MICU1: variants seen among roughly 807,000 people sequenced by gnomAD.
The protein encoded by MICU1 is calcium uptake protein 1, mitochondrial.
MICU1 carries 45 observed loss-of-function variants against 56.8 expected under a neutral mutation model. The ratio of observed to expected loss-of-function variants is 0.79; its 90% CI spans 0.62 to 1.02. The LOEUF is 1.02. MICU1 is among the 50% of genes least tolerant of loss of function. The pLI, the probability that MICU1 is intolerant of heterozygous loss-of-function variation, is 0.00. For synonymous variants in MICU1, 186 were observed against 195.1 expected (o/e 0.95, Z 0.39); for missense variants, 504 against 587.1 (o/e 0.86, Z 1.46).
At chr10:72,506,514 C>A (rs1284135720) in intron 6 of MICU1, among the ~76,000 whole-genome samples, 2 of 152,016 alleles carry the variant, frequency 1.3e-5, no homozygotes, top group East Asian at 3.8e-4. Context: ...AAATTCCCAC[C>A]AATTTGGGTC....
intron 1 of MICU1, among the ~76,000 whole-genome samples, chr10:72,589,391 T>G (rs141169361): frequency 6.6e-6 from 1 of 152,312 alleles, no homozygotes; most frequent in East Asian, 1.9e-4. Context: ...GAAATGCTTC[T>G]TCTGAAGACT....
Position 72,568,124 on chromosome 10 carries a change from A to C in MICU1, c.-1-1330T>G, listed in dbSNP as rs979135452. Among the ~76,000 whole-genome samples, 12 of 152,072 alleles carry C rather than the reference A, an allele frequency of 7.9e-5. 1 individual carries two copies. ...CTGCCCCCTACCTTATAATGCTGAC[A>C]CTGCTTTGAAGTTTTTATTAAATAT... On this transcript the variant is annotated intron_variant, in intron 1 of 11. Transcript: ENST00000361114.
chr10:72,594,358 G>C (rs1047835545), intron 1 of MICU1, among the ~76,000 whole-genome samples: 3 of 151,976 alleles, frequency 2.0e-5, no homozygotes, highest in African/African-American at 7.2e-5. Flanking sequence ...AGATGCAAAA[G>C]AGAAAGTTGA....
chr10:72,571,597 C>G (rs1212729037), intron 1 of MICU1, among the ~76,000 whole-genome samples: 1 of 151,466 alleles, frequency 6.6e-6, no homozygotes, highest in Admixed American at 6.6e-5. Context: ...CATTATCAGT[C>G]TATCTATTAG....
chr10:72,619,679 A>G (rs1842057323), intron 1 of MICU1, among the ~76,000 whole-genome samples: 1 of 152,220 alleles, frequency 6.6e-6, no homozygotes, highest in South Asian at 2.1e-4. Context: ...ACCAACAAGG[A>G]AAGTAAATTA....
intron 1 of MICU1, among the ~76,000 whole-genome samples, chr10:72,605,028 T>G (rs1413962255): frequency 6.6e-6 from 1 of 152,156 alleles, no homozygotes; most frequent in Non-Finnish European, 1.5e-5. Flanking sequence ...ATGCAGCAAA[T>G]TATGAATAAA....
chr10:72,546,945 G>A (rs1420673472), intron 4 of MICU1, among the ~76,000 whole-genome samples: 2 of 148,152 alleles, frequency 1.3e-5, no homozygotes, highest in Admixed American at 6.8e-5. Flanking sequence ...AGGCTGGACT[G>A]CAGTGGTGCA....
intron 9 of MICU1, among the ~76,000 whole-genome samples, chr10:72,411,629 T>C (rs1691204781): frequency 6.6e-6 from 1 of 152,120 alleles, no homozygotes; most frequent in Non-Finnish European, 1.5e-5. Flanking sequence ...TATTAAGGTA[T>C]AAAATCCTGT....
intron 8 of MICU1, among the ~76,000 whole-genome samples, chr10:72,471,584 G>T (rs974838045): frequency 2.0e-5 from 3 of 151,556 alleles, no homozygotes; most frequent in Non-Finnish European, 4.4e-5. Context: ...TGTTTTTATT[G>T]TTTTTTTTAA....
At chr10:72,461,511 T>C (rs948703118) in intron 8 of MICU1, among the ~76,000 whole-genome samples, 4 of 152,260 alleles carry the variant, frequency 2.6e-5, no homozygotes, top group African/African-American at 9.6e-5. Flanking sequence ...ACAACTGTAC[T>C]GTACTTATGT....
At chr10:72,567,401 C>G (rs1840468429) in intron 1 of MICU1, among the ~76,000 whole-genome samples, 1 of 151,964 alleles carries the variant, frequency 6.6e-6, no homozygotes, top group Non-Finnish European at 1.5e-5. Flanking sequence ...AAAGAAATAG[C>G]AGATATAGGG....
intron 10 of MICU1, among the ~76,000 whole-genome samples, chr10:72,383,692 C>T (rs189374884): frequency 1.3e-5 from 2 of 152,304 alleles, no homozygotes; most frequent in African/African-American, 4.8e-5. Flanking sequence ...CTGTGGGGGT[C>T]AGCTATAACA....
intron 9 of MICU1, among the ~76,000 whole-genome samples, chr10:72,410,787 C>T (rs1863783582): frequency 6.6e-6 from 1 of 152,136 alleles, no homozygotes; most frequent in Non-Finnish European, 1.5e-5. Flanking sequence ...AGAGTTAGGT[C>T]TCATTATGCA....
At chr10:72,375,293 C>G (rs1862480963) in intron 11 of MICU1, among the ~76,000 whole-genome samples, 1 of 152,152 alleles carries the variant, frequency 6.6e-6, no homozygotes. Context: ...CAAGGTCAAA[C>G]CAGAACCAGA....
chr10:72,502,548 T>C (rs955784972), intron 6 of MICU1, among the ~76,000 whole-genome samples: 4 of 152,240 alleles, frequency 2.6e-5, no homozygotes, highest in Admixed American at 2.6e-4. Context: ...CTAGCTGGTT[T>C]TCTGTGGCCC....
intron 7 of MICU1, chr10:72,475,870 A>C: frequency 2.2e-6 from 1 of 456,672 alleles, no homozygotes. Context: ...ACAACTTTAT[A>C]ATTGGGATCC....
In MICU1 at chr10:72,490,459, A is replaced by T. The variant is rs570087697; in HGVS notation, c.653-13203T>A. 3.3e-5 allele frequency among the ~76,000 whole-genome samples: 5 copies of T among 152,252 alleles called. No homozygotes were observed. The South Asian group carries it at 1.0e-3, about 32-fold the overall frequency. On this transcript the variant is annotated intron_variant, in intron 6 of 11. Coordinates refer to ENST00000361114, the MANE Select transcript of MICU1 (RefSeq NM_001195518.2). ...CAAAAAGTTCGCACTGTAGATCTGAATTAGCTCAATGGAAGAAGAGGCTGA... is the reference window on the plus strand; with the variant it reads ...CAAAAAGTTCGCACTGTAGATCTGATTTAGCTCAATGGAAGAAGAGGCTGA...
intron 11 of MICU1, among the ~76,000 whole-genome samples, chr10:72,371,806 A>G (rs139479685): frequency 0.021 from 3,272 of 152,244 alleles, 39 homozygotes; most frequent in Non-Finnish European, 0.032. Flanking sequence ...CTGTAATCTC[A>G]GCACTTTGGG....
At position 72,533,105 on chromosome 10, in the gene MICU1, T is replaced by C. The variant is rs1388799553; in HGVS notation, c.537+641A>G. 25 of 1,289,920 alleles carry C rather than the reference T, an allele frequency of 1.9e-5. No homozygotes were observed. The East Asian group carries it at 6.1e-4, about 31-fold the overall frequency. 79.9% of individuals were successfully genotyped at this position (1,289,920 alleles called of 1,614,324 possible). A position where few individuals can be genotyped will look rare whatever the true frequency, so the allele number is the denominator to read the frequency against. ...AGTGCTTTCTTCCTCCTCTGTAAAA[T>C]TGACCCTTTACTTTTCTTTCTGACC... On this transcript the variant is annotated intron_variant, in intron 5 of 11. Transcript: ENST00000361114.
Sources: gnomAD v4.1 joint callset for allele counts (sites outside exome capture counted in the v4.1 genomes callset) on GRCh38, gnomAD v4.1.1 for gene constraint, MANE v1.5 for transcripts, NCBI Gene and HGNC (gene_info 2026-07-23, HGNC 2026-07-21) for gene names.